SYT9: variants seen among roughly 807,000 people sequenced by gnomAD.
SYT9 encodes the protein synaptotagmin-9.
SYT9 carries 22 observed loss-of-function variants against 48.4 expected under a neutral mutation model. The ratio of observed to expected loss-of-function variants is 0.45; its 90% CI spans 0.32 to 0.65. The LOEUF is 0.65. Ranked by LOEUF, SYT9 falls within the 30% of genes least tolerant of loss-of-function variation. SYT9 has a pLI of 0.03. For missense variants in SYT9, 577 were observed against 622.0 expected, an observed-to-expected ratio of 0.93 and a Z score of 0.77; for synonymous variants, 265 against 245.0, an observed-to-expected ratio of 1.08 and a Z score of -0.76.
chr11:7,253,496 C>A (rs1284469338), intron 1 of SYT9, among the ~76,000 whole-genome samples: 1 of 152,036 alleles, frequency 6.6e-6, no homozygotes, highest in African/African-American at 2.4e-5. Flanking sequence ...ATAGCATATC[C>A]TTGATATATT....
intron 3 of SYT9, among the ~76,000 whole-genome samples, chr11:7,315,051 GGTTCCA>G (rs1360226909): frequency 6.6e-6 from 1 of 152,180 alleles, no homozygotes. Flanking sequence ...CATGCCACAG[GGTTCCA>G]GTGCCAACTT....
intron 3 of SYT9, among the ~76,000 whole-genome samples, chr11:7,351,217 G>A (rs1046750882): frequency 6.6e-5 from 10 of 152,162 alleles, no homozygotes; most frequent in African/African-American, 2.4e-4. Context: ...TGAAAGCCCA[G>A]TAATTCCCTC....
At chr11:7,333,777 C>G (rs1371056822) in intron 3 of SYT9, among the ~76,000 whole-genome samples, 1 of 152,170 alleles carries the variant, frequency 6.6e-6, no homozygotes, top group Non-Finnish European at 1.5e-5. Context: ...AGTTTTGTCT[C>G]CATCATCATT....
chr11:7,377,032 C>A (rs1396241158), intron 3 of SYT9, among the ~76,000 whole-genome samples: 2 of 148,930 alleles, frequency 1.3e-5, no homozygotes, highest in Admixed American at 1.4e-4. Context: ...TCTCCTTTAT[C>A]TAGTATGTAG....
At chr11:7,283,279 G>A (rs932309440) in intron 1 of SYT9, among the ~76,000 whole-genome samples, 4 of 151,752 alleles carry the variant, frequency 2.6e-5, no homozygotes, top group African/African-American at 9.7e-5. Context: ...CAAATGCTTT[G>A]TAAGACTCAG....
intron 6 of SYT9, chr11:7,457,859 C>T (rs1342579546): frequency 2.0e-5 from 3 of 152,224 alleles, no homozygotes; most frequent in African/African-American, 7.2e-5. Context: ...AGAATTCCTG[C>T]AAGCCTGGGG....
At chr11:7,456,359 G>T (rs1848149984) in intron 6 of SYT9, among the ~76,000 whole-genome samples, 1 of 152,216 alleles carries the variant, frequency 6.6e-6, no homozygotes, top group African/African-American at 2.4e-5. Context: ...ATTAAAACAA[G>T]GTACAGTCTG....
intron 3 of SYT9, among the ~76,000 whole-genome samples, chr11:7,320,540 G>T (rs1849319135): frequency 6.6e-6 from 1 of 152,180 alleles, no homozygotes. Flanking sequence ...GTGTCTGAAA[G>T]TTAGATATTT....
intron 6 of SYT9, among the ~76,000 whole-genome samples, chr11:7,434,524 G>C: frequency 6.6e-6 from 1 of 152,160 alleles, no homozygotes; most frequent in Non-Finnish European, 1.5e-5. Flanking sequence ...CCTGGTGGTG[G>C]AGGTGAAGGG....
At chr11:7,361,006 C>T (rs961137336) in intron 3 of SYT9, among the ~76,000 whole-genome samples, 1 of 152,118 alleles carries the variant, frequency 6.6e-6, no homozygotes, top group Admixed American at 6.5e-5. Context: ...ATAGTATTCT[C>T]TAACATTTCT....
chr11:7,449,829 A>T lies in SYT9; in HGVS notation c.1468-16963A>T, dbSNP rs114873278. The stretch of plus-strand genomic sequence containing the variant: ...ACTGTCTCTCCTCATGTACCCATTT[A>T]TTCGTCCATTCCCCAGTGTTTGTGA... On this transcript the variant is annotated intron_variant, in intron 6 of 6. Transcript: ENST00000318881. 6.3e-3 allele frequency among the ~76,000 whole-genome samples: 952 copies of T among 152,164 alleles called. 9 individuals carry two copies. The highest frequency in any genetic ancestry group is 0.021 in the African/African-American group (890 of 41,496).
intron 3 of SYT9, among the ~76,000 whole-genome samples, chr11:7,362,121 C>A: frequency 6.6e-6 from 1 of 150,554 alleles, no homozygotes; most frequent in South Asian, 2.1e-4. Flanking sequence ...TTCTTTCTTT[C>A]TTTCTTTTTT....
chr11:7,419,958 C>A (rs549151844), intron 5 of SYT9, among the ~76,000 whole-genome samples: 7 of 152,212 alleles, frequency 4.6e-5, no homozygotes, highest in Admixed American at 1.3e-4. Context: ...AGTTGGGAAA[C>A]TAACTGGGCC....
Position 7,468,584 on chromosome 11 carries a change from A to G in SYT9, c.*1784A>G, listed in dbSNP as rs1415087546. The stretch of plus-strand genomic sequence containing the variant: ...GGCTAGCGCCACCAGGATAGTTAGC[A>G]GAAATATTGTCTGTAAAGCTAGGCA... On this transcript the variant is annotated 3_prime_UTR_variant, in exon 7 of 7. Transcript: ENST00000318881. 1.1e-5 allele frequency: 4 copies of G among 359,000 alleles called. No individual in the cohort carries two copies. Among genetic ancestry groups the G allele is most frequent in the Non-Finnish European group, 2.0e-5 (4 of 201,928 alleles). 22.2% of individuals were successfully genotyped at this position (359,000 alleles called of 1,614,324 possible). A position where few individuals can be genotyped will look rare whatever the true frequency, so the allele number is the denominator to read the frequency against.
chr11:7,328,923 C>G (rs952625650), intron 3 of SYT9, among the ~76,000 whole-genome samples: 7 of 152,146 alleles, frequency 4.6e-5, no homozygotes, highest in African/African-American at 1.7e-4. Context: ...CTCCAAACTC[C>G]TGGTTTTGAG....
At chr11:7,342,206 C>T (rs967545024) in intron 3 of SYT9, among the ~76,000 whole-genome samples, 5 of 152,140 alleles carry the variant, frequency 3.3e-5, no homozygotes, top group Non-Finnish European at 1.5e-5. Context: ...CATTTCAAAA[C>T]CAATCATGCC....
At chr11:7,441,120 AC>A (rs1354079107) in intron 6 of SYT9, 1 of 152,342 alleles carries the variant, frequency 6.6e-6, no homozygotes, top group African/African-American at 2.4e-5. Context: ...TATAACTGGC[AC>A]CCAAACATGT....
intron 3 of SYT9, among the ~76,000 whole-genome samples, chr11:7,409,079 G>A (rs1436678602): frequency 6.6e-6 from 1 of 152,016 alleles, no homozygotes; most frequent in Non-Finnish European, 1.5e-5. Flanking sequence ...TGTTCCTTCT[G>A]CACTTGGTTT....
chr11:7,324,223 AT>A (rs1241350227), intron 3 of SYT9, among the ~76,000 whole-genome samples: 1 of 151,522 alleles, frequency 6.6e-6, no homozygotes, highest in East Asian at 1.9e-4. Flanking sequence ...GTTCTTCATA[AT>A]TTTTTCTTCT....
Sources: gnomAD v4.1 joint callset for allele counts (sites outside exome capture counted in the v4.1 genomes callset) on GRCh38, gnomAD v4.1.1 for gene constraint, MANE v1.5 for transcripts, NCBI Gene and HGNC (gene_info 2026-07-23, HGNC 2026-07-21) for gene names.